TMEM117: variants seen among roughly 807,000 people sequenced by gnomAD.
The protein encoded by TMEM117 is transmembrane protein 117.
Under a neutral mutation model 52.4 loss-of-function variants are expected in TMEM117, and 27 were observed. That is an observed-to-expected ratio of 0.51 (90% CI 0.38 to 0.71). TMEM117 has a LOEUF of 0.71. Among genes scored for constraint, TMEM117 ranks in the 30% least tolerant of loss-of-function variants. The pLI is 0.00. For synonymous variants in TMEM117, 215 were observed against 206.3 expected, an observed-to-expected ratio of 1.04 and a Z score of -0.36; for missense variants, 556 against 630.5, an observed-to-expected ratio of 0.88 and a Z score of 1.26.
At chr12:44,211,993 C>T (rs1188909263) in intron 5 of TMEM117, among the ~76,000 whole-genome samples, 2 of 152,190 alleles carry the variant, frequency 1.3e-5, no homozygotes, top group Non-Finnish European at 2.9e-5. Context: ...GTGGGACACT[C>T]CCCAAGCACA....
At position 44,388,600 on chromosome 12, in the gene TMEM117, G is replaced by A. The variant is rs1476155044; in HGVS notation, c.1473G>A (p.Gln491=). Residue 491 remains glutamine, a synonymous_variant, in exon 8 of 8, where the codon CAG becomes CAA. Coordinates refer to ENST00000266534, the MANE Select transcript of TMEM117 (RefSeq NM_032256.3). ...TAACCTCGGAAAACTTGAGCTCACA[G>A]TTGAACGAATCTACTAGTGCAACAG... is the stretch of plus-strand genomic sequence containing the variant. ...SHLTSENLSS[Q]LNESTSATEA... The A allele has an allele frequency of 6.2e-7, 1 of 1,613,480 alleles. No individual in the cohort carries two copies. The highest frequency in any genetic ancestry group is 8.5e-7 in the Non-Finnish European group (1 of 1,179,594).
intron 6 of TMEM117, among the ~76,000 whole-genome samples, chr12:44,336,019 G>A (rs1471107667): frequency 2.6e-5 from 4 of 152,036 alleles, no homozygotes; most frequent in Admixed American, 6.6e-5. Context: ...ATCAATTTAG[G>A]ATGTGGCAAG....
At chr12:44,325,262 A>G (rs907415161) in intron 6 of TMEM117, among the ~76,000 whole-genome samples, 7 of 152,198 alleles carry the variant, frequency 4.6e-5, no homozygotes, top group African/African-American at 1.7e-4. Flanking sequence ...CTTTAAACAA[A>G]CAAGCCCCTT....
chr12:44,198,258 T>C lies in TMEM117; in HGVS notation c.511-13032T>C, dbSNP rs977435447. On this transcript the variant is annotated intron_variant, in intron 4 of 7. Coordinates refer to ENST00000266534, the MANE Select transcript of TMEM117 (RefSeq NM_032256.3). ...GCAGCAGAAGGGTGGTAAAACTACATACATACATCCTATATAGTACAGTAT... is the reference window on the plus strand; with the variant it reads ...GCAGCAGAAGGGTGGTAAAACTACACACATACATCCTATATAGTACAGTAT... Among the ~76,000 whole-genome samples, 11 of 152,316 alleles carry C rather than the reference T, an allele frequency of 7.2e-5. No homozygotes were observed. In the East Asian group the frequency reaches 2.1e-3, roughly 29 times the overall value.
chr12:44,282,881 G>A (rs192314852), intron 5 of TMEM117, among the ~76,000 whole-genome samples: 173 of 152,320 alleles, frequency 1.1e-3, no homozygotes, highest in African/African-American at 3.7e-3. Context: ...AAGTGGTTTC[G>A]TGGGCTGGGC....
At chr12:44,090,403 TTTATTTA>T (rs1947644940) in intron 3 of TMEM117, among the ~76,000 whole-genome samples, 8 of 22,714 alleles carry the variant, frequency 3.5e-4, no homozygotes, top group East Asian at 3.3e-3. Context: ...TTACTTTTTA[TTTATTTA>T]TTTATTTATT....
chr12:44,383,705 G>T (rs1008968876), intron 7 of TMEM117, among the ~76,000 whole-genome samples: 3 of 152,102 alleles, frequency 2.0e-5, no homozygotes, highest in African/African-American at 7.2e-5. Context: ...ACTGTCGATT[G>T]TATATTCACA....
At chr12:44,142,427 T>C (rs1948583817) in intron 3 of TMEM117, among the ~76,000 whole-genome samples, 1 of 152,178 alleles carries the variant, frequency 6.6e-6, no homozygotes, top group Non-Finnish European at 1.5e-5. Flanking sequence ...GTTAAATATC[T>C]GTTTATTTTA....
chr12:44,180,703 A>G (rs1592585276), intron 4 of TMEM117, among the ~76,000 whole-genome samples: 1 of 151,992 alleles, frequency 6.6e-6, no homozygotes, highest in Admixed American at 6.6e-5. Context: ...TTATGGCTGC[A>G]TAGTATTCCA....
chr12:44,272,564 T>G (rs1027632822), intron 5 of TMEM117, among the ~76,000 whole-genome samples: 1 of 152,106 alleles, frequency 6.6e-6, no homozygotes, highest in Non-Finnish European at 1.5e-5. Flanking sequence ...GCGAAGGATA[T>G]GAACAAGACA....
chr12:44,191,853 A>G (rs1949359248), intron 4 of TMEM117, among the ~76,000 whole-genome samples: 1 of 152,138 alleles, frequency 6.6e-6, no homozygotes, highest in Non-Finnish European at 1.5e-5. Context: ...TTTTTCTATA[A>G]GTAATAGAAT....
chr12:44,087,511 G>A lies in TMEM117; in HGVS notation c.411-56014G>A, dbSNP rs1468197785. Among the ~76,000 whole-genome samples, 6 of 152,056 alleles carry A rather than the reference G, an allele frequency of 3.9e-5. No individual in the cohort carries two copies. The East Asian group carries it at 1.2e-3, about 29-fold the overall frequency. On this transcript the variant is annotated intron_variant, in intron 3 of 7. Coordinates refer to ENST00000266534, the MANE Select transcript of TMEM117 (RefSeq NM_032256.3). ...AGTCTCACTCTTGTTAATCATGTTGGAGTGCAGTGGCATGATCATGGCTTA... is the reference window on the plus strand; with the variant it reads ...AGTCTCACTCTTGTTAATCATGTTGAAGTGCAGTGGCATGATCATGGCTTA...
At chr12:43,849,882 T>C (rs1187099777) in intron 2 of TMEM117, among the ~76,000 whole-genome samples, 3 of 152,244 alleles carry the variant, frequency 2.0e-5, no homozygotes, top group Non-Finnish European at 4.4e-5. Context: ...CTTCTGTCTC[T>C]GCTCATGGCA....
intron 3 of TMEM117, among the ~76,000 whole-genome samples, chr12:44,137,516 T>G (rs1490812847): frequency 6.6e-6 from 1 of 152,090 alleles, no homozygotes; most frequent in African/African-American, 2.4e-5. Context: ...GTTGTCTTAG[T>G]CCATTTTCAC....
At chr12:43,821,051 C>T in the TMEM117 span, among the ~76,000 whole-genome samples, 1 of 149,668 alleles carries the variant, frequency 6.7e-6, no homozygotes, top group African/African-American at 2.5e-5. Context: ...GTCGAGATCG[C>T]GCCACTGCAC....
chr12:44,296,800 A>G (rs79612246), intron 5 of TMEM117, among the ~76,000 whole-genome samples: 514 of 152,324 alleles, frequency 3.4e-3, no homozygotes, highest in Non-Finnish European at 6.1e-3. Context: ...GGTCTGTTGT[A>G]CAAAGTGCAT....
At chr12:44,245,550 T>C (rs1315401120) in intron 5 of TMEM117, among the ~76,000 whole-genome samples, 8 of 143,066 alleles carry the variant, frequency 5.6e-5, no homozygotes, top group Non-Finnish European at 1.0e-4. Flanking sequence ...TTTTATGTCC[T>C]GCAACTTAAC....
At chr12:43,942,651 G>A (rs1945062776) in intron 2 of TMEM117, among the ~76,000 whole-genome samples, 1 of 151,666 alleles carries the variant, frequency 6.6e-6, no homozygotes. Flanking sequence ...TCAAGTTTTA[G>A]CTAGGATAAT....
chr12:44,290,983 A>G (rs936333072), intron 5 of TMEM117, among the ~76,000 whole-genome samples: 2 of 152,106 alleles, frequency 1.3e-5, no homozygotes, highest in African/African-American at 2.4e-5. Flanking sequence ...AACATCTTCT[A>G]TAGTTTTATA....
Sources: allele counts gnomAD v4.1 joint callset (sites outside exome capture counted in the v4.1 genomes callset), GRCh38; gene constraint gnomAD v4.1.1; transcripts MANE v1.5; gene names NCBI Gene and HGNC (gene_info 2026-07-23, HGNC 2026-07-21).